Variants in ACAP2 observed in about 807,000 individuals in gnomAD.
ACAP2 encodes arf-GAP with coiled-coil, ANK repeat and PH domain-containing protein 2.
Under a neutral mutation model 115.8 loss-of-function variants are expected in ACAP2, and 39 were observed. The ratio of observed to expected loss-of-function variants is 0.34; its 90% CI spans 0.26 to 0.44. The LOEUF (loss-of-function observed/expected upper bound fraction) is 0.44. Among genes scored for constraint, ACAP2 ranks in the 20% least tolerant of loss-of-function variants. ACAP2 has a pLI of 1.00. For missense variants in ACAP2, 662 were observed against 927.6 expected (o/e 0.71, Z 3.72); for synonymous variants, 289 against 315.8 (o/e 0.92, Z 0.90).
intron 22 of ACAP2, among the ~76,000 whole-genome samples, chr3:195,280,386 C>T (rs1236745079): frequency 3.9e-5 from 6 of 151,972 alleles, no homozygotes; most frequent in Admixed American, 6.6e-5. Flanking sequence ...GCAGGAGAAT[C>T]GCTTGAACCC....
intron 1 of ACAP2, among the ~76,000 whole-genome samples, chr3:195,427,671 A>G (rs558130157): frequency 2.7e-4 from 41 of 152,238 alleles, no homozygotes; most frequent in African/African-American, 9.9e-4. Flanking sequence ...GCACTTTGAG[A>G]GGCTGAGGCA....
intron 4 of ACAP2, among the ~76,000 whole-genome samples, chr3:195,366,770 C>T (rs998559864): frequency 6.6e-6 from 1 of 152,286 alleles, no homozygotes; most frequent in African/African-American, 2.4e-5. Flanking sequence ...GCAGTTAAAC[C>T]ACTAAGTCAC....
intron 9 of ACAP2, among the ~76,000 whole-genome samples, chr3:195,321,579 T>A (rs1314954946): frequency 6.6e-6 from 1 of 151,584 alleles, no homozygotes; most frequent in Non-Finnish European, 1.5e-5. Flanking sequence ...GTTACCACTA[T>A]TTTCTAAATA....
rs566255108 is a variant in ACAP2 at position 195,364,449 on chromosome 3, T to C, written c.285+16560A>G. 2.0e-5 allele frequency among the ~76,000 whole-genome samples: 3 copies of C among 152,140 alleles called. No individual in the cohort carries two copies. The East Asian group carries it at 5.8e-4, about 29-fold the overall frequency. On this transcript the variant is annotated intron_variant, in intron 4 of 22. Coordinates refer to ENST00000326793, the MANE Select transcript of ACAP2 (RefSeq NM_012287.6). ...GGCTGGGTGCAGGGGCTCATGCCTG[T>C]AATCCCAGCACTTAGGGAGGCCGAG...
chr3:195,396,219 C>G (rs1256148999), intron 1 of ACAP2, among the ~76,000 whole-genome samples: 1 of 151,660 alleles, frequency 6.6e-6, no homozygotes, highest in Admixed American at 6.6e-5. Flanking sequence ...CCACTGCACT[C>G]CAGCCTGGGA....
In ACAP2 at chr3:195,279,277, G is replaced by C. The variant is rs1726331302; in HGVS notation, c.*51C>G. 2.3e-6 allele frequency: 3 copies of C among 1,283,096 alleles called. No homozygotes were observed. In the East Asian group the frequency reaches 7.2e-5, roughly 31 times the overall value. 79.5% of individuals were successfully genotyped at this position (1,283,096 alleles called of 1,614,324 possible). ...GTAAAAAAATTGTGATTTTTTAGCT[G>C]TATACATTAGGGGGTCACCAGATTT... is the stretch of plus-strand genomic sequence containing the variant. On this transcript the variant is annotated 3_prime_UTR_variant, in exon 23 of 23. Coordinates refer to ENST00000326793, the MANE Select transcript of ACAP2 (RefSeq NM_012287.6).
At chr3:195,384,724 CA>C (rs11283969) in intron 2 of ACAP2, among the ~76,000 whole-genome samples, 80,581 of 149,142 alleles carry the variant, frequency 0.54, 22,857 homozygotes, top group East Asian at 0.89. Flanking sequence ...GAGGCTGTCT[CA>C]AAAAAAAAAG....
At chr3:195,442,671 C>G in intron 1 of ACAP2, 124 bp downstream of exon 1, 1 of 1,077,844 alleles carries the variant, frequency 9.3e-7, no homozygotes, top group Non-Finnish European at 1.3e-6. Flanking sequence ...ACGGCGGCAA[C>G]AGCCGCTCGC....
At chr3:195,424,429 G>A (rs1353607034) in intron 1 of ACAP2, among the ~76,000 whole-genome samples, 2 of 150,054 alleles carry the variant, frequency 1.3e-5, no homozygotes, top group East Asian at 3.9e-4. Context: ...CAAGTAGCTG[G>A]GATTACAGGC....
rs1257802869 is a variant in ACAP2, at chr3:195,406,232, A to C, written c.54-14085T>G. Among the ~76,000 whole-genome samples, 5 of 152,150 alleles carry C rather than the reference A, an allele frequency of 3.3e-5. No homozygotes were observed. The East Asian group carries it at 9.6e-4, about 29-fold the overall frequency. On this transcript the variant is annotated intron_variant, in intron 1 of 22. Transcript: ENST00000326793. ...GAGTCAAGAATCTTTATACTTCAAA[A>C]TTTATTTTCTATCAATAAGTCCTCA... is the stretch of plus-strand genomic sequence containing the variant.
At chr3:195,422,767 T>C (rs924051028) in intron 1 of ACAP2, among the ~76,000 whole-genome samples, 3 of 152,238 alleles carry the variant, frequency 2.0e-5, no homozygotes, top group African/African-American at 7.2e-5. Context: ...ATGTTTTCTA[T>C]GATGAGCCTC....
At chr3:195,415,680 T>C (rs984670229) in intron 1 of ACAP2, among the ~76,000 whole-genome samples, 1 of 152,232 alleles carries the variant, frequency 6.6e-6, no homozygotes, top group Admixed American at 6.5e-5. Flanking sequence ...GTATCATTTA[T>C]TTTTAAATAT....
rs567594301 is a variant in ACAP2, at chr3:195,340,434, A to G, written c.528+2037T>C. ...AAAAACATTTGGTCATCTACCTATAATAACAGGTGGTGATTCAAGCAAGGG... is the reference window on the plus strand; with the variant it reads ...AAAAACATTTGGTCATCTACCTATAGTAACAGGTGGTGATTCAAGCAAGGG... On this transcript the variant is annotated intron_variant, in intron 6 of 22. Coordinates refer to ENST00000326793, the MANE Select transcript of ACAP2 (RefSeq NM_012287.6). Among the ~76,000 whole-genome samples, 12 of 152,202 alleles carry G rather than the reference A, an allele frequency of 7.9e-5. No homozygotes were observed. The South Asian group carries it at 2.1e-3, about 26-fold the overall frequency.
chr3:195,373,431 A>C (rs1361615174), intron 4 of ACAP2, among the ~76,000 whole-genome samples: 1 of 152,218 alleles, frequency 6.6e-6, no homozygotes, highest in Non-Finnish European at 1.5e-5. Context: ...ACTGTCTTCC[A>C]TTTCACACAA....
intron 1 of ACAP2, among the ~76,000 whole-genome samples, chr3:195,434,168 A>G (rs1715354463): frequency 6.6e-6 from 1 of 152,096 alleles, no homozygotes; most frequent in South Asian, 2.1e-4. Context: ...GACGCAAGCA[A>G]TCCTCCCACT....
At chr3:195,311,103 G>GTTTT (rs35752425) in intron 10 of ACAP2, among the ~76,000 whole-genome samples, 1 of 139,354 alleles carries the variant, frequency 7.2e-6, no homozygotes, top group South Asian at 2.3e-4. Context: ...TTTTTTTTTT[G>GTTTT]TTTTTTTTTT....
intron 2 of ACAP2, among the ~76,000 whole-genome samples, chr3:195,383,608 A>G (rs544184721): frequency 1.3e-5 from 2 of 152,040 alleles, no homozygotes; most frequent in South Asian, 2.1e-4. Flanking sequence ...GGGAAGTCTG[A>G]GAAGGATGCA....
rs1211397879 is a variant in ACAP2 at position 195,278,230 on chromosome 3, T to C, written c.*1098A>G. 1 of 152,184 alleles carries C rather than the reference T, an allele frequency of 6.6e-6. No individual in the cohort carries two copies. Among genetic ancestry groups the C allele is most frequent in the East Asian group, 1.9e-4 (1 of 5,204 alleles). 9.4% of individuals were successfully genotyped at this position (152,184 alleles called of 1,614,324 possible). On this transcript the variant is annotated 3_prime_UTR_variant, in exon 23 of 23. Coordinates refer to ENST00000326793, the MANE Select transcript of ACAP2 (RefSeq NM_012287.6). ...GTCTGTGAATCATGTAACCGAATAC[T>C]AAAGCTATATACACGATATAATTTA... is the stretch of plus-strand genomic sequence containing the variant.
At chr3:195,354,546 T>C (rs9809730) in intron 4 of ACAP2, among the ~76,000 whole-genome samples, 43,828 of 152,050 alleles carry the variant, frequency 0.29, 7,201 homozygotes, top group East Asian at 0.71. Context: ...TCTTTATAAT[T>C]TAAGTTCCTT....
Sources: gnomAD v4.1 joint callset for allele counts (sites outside exome capture counted in the v4.1 genomes callset) on GRCh38, gnomAD v4.1.1 for gene constraint, MANE v1.5 for transcripts, NCBI Gene and HGNC (gene_info 2026-07-23, HGNC 2026-07-21) for gene names.